The following MYLK variants were observed in gnomAD, a reference collection of about 807,000 sequenced individuals.
MYLK encodes myosin light chain kinase, smooth muscle.
MYLK carries 106 observed loss-of-function variants against 203.4 expected under a neutral mutation model. The observed-to-expected ratio is 0.52, with a 90% CI of 0.45 to 0.61. The LOEUF is 0.61. Among genes scored for constraint, MYLK ranks in the 20% least tolerant of loss-of-function variants. The pLI, the probability that MYLK is intolerant of heterozygous loss-of-function variation, is 0.00. For missense variants in MYLK, 2,072 were observed against 2,442.3 expected, an observed-to-expected ratio of 0.85 and a Z score of 3.20; for synonymous variants, 867 against 959.5, an observed-to-expected ratio of 0.90 and a Z score of 1.78.
chr3:123,695,760 C>T (rs935582719), intron 18 of MYLK, among the ~76,000 whole-genome samples: 2 of 152,196 alleles, frequency 1.3e-5, no homozygotes, highest in Non-Finnish European at 2.9e-5. Flanking sequence ...AAAAATGAAT[C>T]CTCATTGTTA....
chr3:123,760,503 G>A (rs1163511174), intron 4 of MYLK, among the ~76,000 whole-genome samples: 1 of 152,130 alleles, frequency 6.6e-6, no homozygotes, highest in African/African-American at 2.4e-5. Context: ...AACTGAGATA[G>A]CACATGTACA....
At chr3:123,823,801 T>A (rs1446241849) in intron 3 of MYLK, among the ~76,000 whole-genome samples, 2 of 152,126 alleles carry the variant, frequency 1.3e-5, no homozygotes, top group Non-Finnish European at 1.5e-5. Flanking sequence ...CCCAAACTCA[T>A]CTCCTATTAA....
chr3:123,637,052 AG>A (rs1256249890), intron 29 of MYLK, among the ~76,000 whole-genome samples: 1 of 152,222 alleles, frequency 6.6e-6, no homozygotes, highest in Non-Finnish European at 1.5e-5. Context: ...TGAAGGCCCC[AG>A]GGGTCTAAGA....
At chr3:123,631,568 C>T (rs2058426114) in intron 29 of MYLK, among the ~76,000 whole-genome samples, 1 of 152,170 alleles carries the variant, frequency 6.6e-6, no homozygotes, top group Admixed American at 6.5e-5. Context: ...ACAAACCCCA[C>T]TTGAAATATT....
At chr3:123,658,228 C>T (rs1156438237) in intron 23 of MYLK, among the ~76,000 whole-genome samples, 1 of 152,170 alleles carries the variant, frequency 6.6e-6, no homozygotes, top group Non-Finnish European at 1.5e-5. Context: ...AAAAGCAAAC[C>T]ACAATAGCAA....
At chr3:123,729,881 C>CA (rs113098146) in intron 11 of MYLK, among the ~76,000 whole-genome samples, 1,606 of 98,626 alleles carry the variant, frequency 0.016, 17 homozygotes, top group Admixed American at 0.052. Context: ...GACCCTGTTT[C>CA]AAAAAAAAAA....
chr3:123,640,141 G>T lies in MYLK; in HGVS notation c.4837+146C>A. ...TGAGGCTTACTGTCACGTCTAGTATGTGGTAGGGGCAGGATTCAAACCTGG... is the reference window on the plus strand; with the variant it reads ...TGAGGCTTACTGTCACGTCTAGTATTTGGTAGGGGCAGGATTCAAACCTGG... On this transcript the variant is annotated intron_variant, in intron 28 of 33. Transcript: ENST00000360304. The surrounding 1 kb of genome is among the most constrained non-coding windows in gnomAD (Gnocchi z 4.3). The T allele has an allele frequency of 1.3e-6, 1 of 743,232 alleles. No individual in the cohort carries two copies. Among genetic ancestry groups the T allele is most frequent in the Non-Finnish European group, 2.3e-6 (1 of 425,812 alleles). 46.0% of individuals were successfully genotyped at this position (743,232 alleles called of 1,614,324 possible).
chr3:123,879,152 G>A lies in MYLK; in HGVS notation c.-185-2535C>T, dbSNP rs916960654. 1.1e-4 allele frequency among the ~76,000 whole-genome samples: 16 copies of A among 152,294 alleles called. No individual in the cohort carries two copies. In the South Asian group the frequency reaches 1.5e-3, roughly 14 times the overall value. On this transcript the variant is annotated intron_variant, in intron 1 of 33. Transcript: ENST00000360304. ...CCCCAGAAACCCAAAAGTCTTCTAC[G>A]GGCCTCTGGGCTTTCACTCTGGCCA...
At chr3:123,710,366 A>T (rs2061643744) in intron 13 of MYLK, among the ~76,000 whole-genome samples, 2 of 152,194 alleles carry the variant, frequency 1.3e-5, no homozygotes, top group Admixed American at 6.5e-5. Flanking sequence ...TTTCTTCTTA[A>T]AAAAGTAAAT....
At chr3:123,881,596 A>G (rs1446241686) in intron 1 of MYLK, among the ~76,000 whole-genome samples, 1 of 152,030 alleles carries the variant, frequency 6.6e-6, no homozygotes, top group Non-Finnish European at 1.5e-5. Flanking sequence ...CCCCATACTC[A>G]TGGGACACTG....
chr3:123,679,239 G>A (rs1441799801), intron 20 of MYLK, among the ~76,000 whole-genome samples: 1 of 151,522 alleles, frequency 6.6e-6, no homozygotes, highest in Non-Finnish European at 1.5e-5. Context: ...ACCAGGAGGC[G>A]GAGGTTGTAG....
At chr3:123,872,920 A>G (rs1236690300) in intron 2 of MYLK, among the ~76,000 whole-genome samples, 10 of 152,118 alleles carry the variant, frequency 6.6e-5, no homozygotes, top group South Asian at 2.1e-4. Context: ...CCAACCTTCT[A>G]ATTACATGGT....
At chr3:123,778,386 G>A (rs1398357873) in intron 4 of MYLK, among the ~76,000 whole-genome samples, 3 of 151,896 alleles carry the variant, frequency 2.0e-5, no homozygotes, top group Non-Finnish European at 4.4e-5. Flanking sequence ...GGTGGCAGGC[G>A]CCTGTAGTCC....
chr3:123,681,270 G>A (rs1345733177), intron 20 of MYLK: 3 of 152,200 alleles, frequency 2.0e-5, no homozygotes, highest in Non-Finnish European at 4.4e-5. Context: ...CCAAAAAGAG[G>A]GAGGTAGCTG....
intron 20 of MYLK, among the ~76,000 whole-genome samples, chr3:123,672,230 GAA>G (rs1293222208): frequency 1.6e-4 from 22 of 138,846 alleles, no homozygotes; most frequent in Non-Finnish European, 2.9e-4. Flanking sequence ...GAGAGAGAGA[GAA>G]AGGAGCGAGA....
chr3:123,818,525 CA>C (rs955999382), intron 3 of MYLK, among the ~76,000 whole-genome samples: 1 of 151,910 alleles, frequency 6.6e-6, no homozygotes, highest in Non-Finnish European at 1.5e-5. Context: ...CACAACTCTA[CA>C]AAAAAACACA....
intron 2 of MYLK, among the ~76,000 whole-genome samples, chr3:123,857,460 T>C (rs1387680058): frequency 6.6e-6 from 1 of 151,958 alleles, no homozygotes; most frequent in East Asian, 1.9e-4. Flanking sequence ...TGGAATACTA[T>C]GCAGCCATAA....
intron 20 of MYLK, among the ~76,000 whole-genome samples, chr3:123,667,493 A>G (rs1485372694): frequency 6.6e-6 from 1 of 151,952 alleles, no homozygotes; most frequent in Admixed American, 6.6e-5. Flanking sequence ...AATCCCAGCT[A>G]CCCAGGAAGC....
At chr3:123,712,850 A>G (rs1400476161) in intron 13 of MYLK, among the ~76,000 whole-genome samples, 1 of 152,262 alleles carries the variant, frequency 6.6e-6, no homozygotes, top group African/African-American at 2.4e-5. Flanking sequence ...TTCATTATCA[A>G]TGAGAACATT....
Sources: gnomAD v4.1 joint callset for allele counts (sites outside exome capture counted in the v4.1 genomes callset) on GRCh38, gnomAD v4.1.1 for gene constraint, Gnocchi (gnomAD v3.1) non-coding constraint, MANE v1.5 for transcripts, NCBI Gene and HGNC (gene_info 2026-07-23, HGNC 2026-07-21) for gene names.